The following TBC1D30 variants were observed in gnomAD, a reference collection of about 807,000 sequenced individuals.
The protein encoded by TBC1D30 is TBC1 domain family, member 30.
Under a neutral mutation model 63.2 loss-of-function variants are expected in TBC1D30, and 31 were observed. The ratio of observed to expected loss-of-function variants is 0.49; its 90% CI spans 0.37 to 0.66. The LOEUF is 0.66. Among genes scored for constraint, TBC1D30 ranks in the 30% least tolerant of loss-of-function variants. TBC1D30 has a pLI of 0.00. For synonymous variants in TBC1D30, 307 were observed against 361.5 expected, an observed-to-expected ratio of 0.85 and a Z score of 1.71; for missense variants, 810 against 953.6, an observed-to-expected ratio of 0.85 and a Z score of 1.98.
intron 10 of TBC1D30, among the ~76,000 whole-genome samples, chr12:64,870,162 T>G (rs1878539556): frequency 6.6e-6 from 1 of 152,252 alleles, no homozygotes; most frequent in South Asian, 2.1e-4. Flanking sequence ...ACCTTTAATG[T>G]AAGAAGAATG....
intron 6 of TBC1D30, 64 bp from the exon 7 acceptor site, chr12:64,838,619 G>C: frequency 6.8e-7 from 1 of 1,467,638 alleles, no homozygotes; most frequent in Non-Finnish European, 9.2e-7. Context: ...GACTAGAAAA[G>C]GGTATCTGCA....
intron 11 of TBC1D30, among the ~76,000 whole-genome samples, chr12:64,873,007 A>G (rs753231783): frequency 3.3e-5 from 5 of 152,120 alleles, no homozygotes; most frequent in African/African-American, 4.8e-5. Flanking sequence ...GGGTGGGGAT[A>G]TGGCCAAACC....
upstream of TBC1D30, among the ~76,000 whole-genome samples, chr12:64,776,157 C>G (rs1251527860): frequency 1.3e-5 from 2 of 151,768 alleles, no homozygotes; most frequent in South Asian, 2.1e-4. Context: ...TAGCACTAAA[C>G]ACCCTCATCA....
upstream of TBC1D30, among the ~76,000 whole-genome samples, chr12:64,780,484 T>C (rs1871208252): frequency 6.6e-6 from 1 of 152,228 alleles, no homozygotes; most frequent in South Asian, 2.1e-4. Flanking sequence ...TCCGTGCTGC[T>C]GGCTTCTTCC....
At chr12:64,795,025 A>G (rs528259540) in intron 2 of TBC1D30, among the ~76,000 whole-genome samples, 5 of 152,344 alleles carry the variant, frequency 3.3e-5, no homozygotes, top group Admixed American at 2.6e-4. Context: ...TTATATTTAG[A>G]AGCTTTCCTT....
intron 8 of TBC1D30, among the ~76,000 whole-genome samples, chr12:64,857,811 A>G (rs187268012): frequency 6.6e-6 from 1 of 152,200 alleles, no homozygotes; most frequent in African/African-American, 2.4e-5. Context: ...GTCTGGTTCA[A>G]ATGCCCCCTC....
upstream of TBC1D30, among the ~76,000 whole-genome samples, chr12:64,822,094 G>A (rs1164274013): frequency 2.6e-5 from 4 of 152,174 alleles, no homozygotes; most frequent in Non-Finnish European, 5.9e-5. Context: ...TCTGGGAAGC[G>A]TCATAGGAAT....
At chr12:64,782,066 G>A (rs534225843) in intron 1 of TBC1D30, among the ~76,000 whole-genome samples, 1 of 151,710 alleles carries the variant, frequency 6.6e-6, no homozygotes, top group East Asian at 1.9e-4. Flanking sequence ...TCTTGAGCTC[G>A]TGTCACACTT....
At chr12:64,832,858 C>T (rs567885201) in intron 5 of TBC1D30, among the ~76,000 whole-genome samples, 3 of 152,264 alleles carry the variant, frequency 2.0e-5, no homozygotes, top group Admixed American at 6.5e-5. Flanking sequence ...TGCCATGTAG[C>T]CTCTCCATCT....
chr12:64,819,475 G>A (rs944566893), intron 2 of TBC1D30, among the ~76,000 whole-genome samples: 2 of 146,904 alleles, frequency 1.4e-5, no homozygotes, highest in African/African-American at 5.0e-5. Flanking sequence ...CCAGTGCAGT[G>A]GCATGATCTC....
At chr12:64,860,750 A>G (rs1002582368) in intron 8 of TBC1D30, among the ~76,000 whole-genome samples, 1 of 152,196 alleles carries the variant, frequency 6.6e-6, no homozygotes, top group Non-Finnish European at 1.5e-5. Flanking sequence ...TAATTCTGTC[A>G]TGTTAGAGAG....
intron 8 of TBC1D30, among the ~76,000 whole-genome samples, chr12:64,859,095 G>T (rs1229860423): frequency 6.6e-6 from 1 of 151,718 alleles, no homozygotes; most frequent in African/African-American, 2.4e-5. Context: ...GTGTGTGTGT[G>T]TGTGTGGAGG....
rs371545055 is a variant in TBC1D30 at position 64,838,906 on chromosome 12, T to C, written c.932+55T>C. ...TGTGATGTTGAGGGCCTTAAGCAGT[T>C]TTTGTGCTCTAACGTGTAAAGCAAT... On this transcript the variant is annotated intron_variant, in intron 7 of 11. Transcript: ENST00000539867. 1.1e-4 allele frequency: 157 copies of C among 1,473,814 alleles called. No homozygotes were observed. In the African/African-American group the frequency reaches 2.0e-3, roughly 19 times the overall value. The allele number at this position is 1,473,814 out of a possible 1,614,324, so 91.3% of individuals were successfully genotyped here.
intron 2 of TBC1D30, among the ~76,000 whole-genome samples, chr12:64,799,828 C>T (rs1001903608): frequency 3.9e-5 from 6 of 152,160 alleles, no homozygotes; most frequent in East Asian, 1.9e-4. Flanking sequence ...TGATAGAGGC[C>T]GGGCGCAGTG....
intron 8 of TBC1D30, among the ~76,000 whole-genome samples, chr12:64,844,364 A>T (rs1341956700): frequency 6.6e-6 from 1 of 152,198 alleles, no homozygotes; most frequent in Non-Finnish European, 1.5e-5. Context: ...TCACTCTTCC[A>T]TTAGATTCTT....
chr12:64,793,641 A>G (rs899417290), intron 2 of TBC1D30, among the ~76,000 whole-genome samples: 2 of 152,230 alleles, frequency 1.3e-5, no homozygotes, highest in Non-Finnish European at 2.9e-5. Context: ...AGCCTGGGCA[A>G]CAGAGCAAGA....
intron 2 of TBC1D30, among the ~76,000 whole-genome samples, chr12:64,789,809 A>G (rs1351643949): frequency 6.6e-6 from 1 of 152,222 alleles, no homozygotes; most frequent in African/African-American, 2.4e-5. Context: ...CCATTTAAGG[A>G]TAACCATGGT....
At position 64,866,839 on chromosome 12, in the gene TBC1D30, G is replaced by T; in HGVS notation, c.1227G>T (p.Gly409=). 6.5e-7 allele frequency: 1 copy of T among 1,536,458 alleles called. No homozygotes were observed. Among genetic ancestry groups the T allele is most frequent in the Non-Finnish European group, 8.7e-7 (1 of 1,146,992 alleles). Residue 409 remains glycine, a synonymous_variant, in exon 10 of 12, where the codon GGG becomes GGT. Transcript: ENST00000539867. ...DDEDAVVNAV[G]CLGPFSGFLA... Reference sequence around the variant, plus strand: ...AGGATGCTGTCGTTAATGCAGTGGGGTGTCTTGGACCTTTTAGTGGGTTCC... The same window carrying T: ...AGGATGCTGTCGTTAATGCAGTGGGTTGTCTTGGACCTTTTAGTGGGTTCC...
chr12:64,871,313 C>T (rs1454244731), intron 11 of TBC1D30, among the ~76,000 whole-genome samples: 2 of 152,162 alleles, frequency 1.3e-5, no homozygotes, highest in East Asian at 3.8e-4. Context: ...CTAAGAAGAA[C>T]ACAATTATAA....
Sources: gnomAD v4.1 joint callset for allele counts (sites outside exome capture counted in the v4.1 genomes callset) on GRCh38, gnomAD v4.1.1 for gene constraint, MANE v1.5 for transcripts, NCBI Gene and HGNC (gene_info 2026-07-23, HGNC 2026-07-21) for gene names.